TGM6: variants seen among roughly 807,000 people sequenced by gnomAD.
TGM6 encodes protein-glutamine gamma-glutamyltransferase 6.
Under a neutral mutation model 77.5 loss-of-function variants are expected in TGM6, and 74 were observed. That is an observed-to-expected ratio of 0.96 (90% confidence interval 0.79 to 1.16). TGM6 has a LOEUF of 1.16. Ranked by LOEUF, TGM6 falls within the 50% of genes most tolerant of loss-of-function variation. The probability of loss-of-function intolerance (pLI) is 0.00; values close to 1 mark genes in which losing one functional copy is unlikely to be tolerated. For synonymous variants in TGM6, 383 were observed against 378.9 expected, an observed-to-expected ratio of 1.01 and a Z score of -0.12; for missense variants, 968 against 940.2, an observed-to-expected ratio of 1.03 and a Z score of -0.39.
chr20:2,381,952 C>T (rs1343654735), intron 1 of TGM6, among the ~76,000 whole-genome samples: 16 of 147,670 alleles, frequency 1.1e-4, no homozygotes, highest in Admixed American at 6.8e-5. Context: ...GTGTCCCCCA[C>T]GACCTCAATA....
At chr20:2,416,316 A>G (rs1261306265) in intron 9 of TGM6, among the ~76,000 whole-genome samples, 1 of 152,202 alleles carries the variant, frequency 6.6e-6, no homozygotes, top group African/African-American at 2.4e-5. Context: ...GGACATATAG[A>G]TCAAAGAAAT....
rs1451119543 is a variant in TGM6 at position 2,383,326 on chromosome 20, A to C, written c.7+2351A>C. Among the ~76,000 whole-genome samples, 4 of 152,110 alleles carry C rather than the reference A, an allele frequency of 2.6e-5. No homozygotes were observed. The East Asian group carries it at 5.8e-4, about 22-fold the overall frequency. On this transcript the variant is annotated intron_variant, in intron 1 of 12. Transcript: ENST00000202625. ...TTGTATCATTCAGCTCTCTGGTATC[A>C]CCCAAGGGCAGGAGGAGGAAGATGG...
At chr20:2,413,003 T>C (rs561611871) in intron 9 of TGM6, among the ~76,000 whole-genome samples, 1 of 152,180 alleles carries the variant, frequency 6.6e-6, no homozygotes, top group Non-Finnish European at 1.5e-5. Context: ...CAGCTGAGTT[T>C]TTTTCCCCCA....
At chr20:2,429,827 G>A (rs2084912411) in intron 10 of TGM6, among the ~76,000 whole-genome samples, 1 of 152,144 alleles carries the variant, frequency 6.6e-6, no homozygotes, top group South Asian at 2.1e-4. Context: ...AGAACACCTA[G>A]GAAGGATGTT....
chr20:2,407,922 G>C (rs2084762609), intron 9 of TGM6, among the ~76,000 whole-genome samples: 1 of 152,212 alleles, frequency 6.6e-6, no homozygotes, highest in African/African-American at 2.4e-5. Flanking sequence ...TGACAGCACA[G>C]AATAATTCGG....
At chr20:2,382,547 C>T (rs2084563085) in intron 1 of TGM6, among the ~76,000 whole-genome samples, 1 of 152,224 alleles carries the variant, frequency 6.6e-6, no homozygotes, top group Non-Finnish European at 1.5e-5. Context: ...CTCTCTGAAG[C>T]TCTGTTTCTC....
At chr20:2,411,238 T>C (rs970700498) in intron 9 of TGM6, among the ~76,000 whole-genome samples, 5 of 152,122 alleles carry the variant, frequency 3.3e-5, no homozygotes, top group South Asian at 2.1e-4. Flanking sequence ...TTCATGAATA[T>C]GGAATGAATT....
At chr20:2,425,539 T>C (rs1006514571) in intron 10 of TGM6, among the ~76,000 whole-genome samples, 1 of 152,188 alleles carries the variant, frequency 6.6e-6, no homozygotes, top group African/African-American at 2.4e-5. Context: ...CTTTCACTAA[T>C]ACCACACTGT....
intron 1 of TGM6, among the ~76,000 whole-genome samples, chr20:2,387,418 T>C (rs180798570): frequency 1.3e-5 from 2 of 152,312 alleles, no homozygotes; most frequent in Admixed American, 6.5e-5. Flanking sequence ...ACACTGGTCC[T>C]GCACAGTGCT....
At position 2,399,672 on chromosome 20, in the gene TGM6, C is replaced by G. The variant is rs2084692297; in HGVS notation, c.784C>G (p.Leu262Val). 2 of 1,613,928 alleles carry G rather than the reference C, an allele frequency of 1.2e-6. No homozygotes were observed. The highest frequency in any genetic ancestry group is 1.7e-6 in the Non-Finnish European group (2 of 1,179,958). The change falls in exon 6 of 13, where the codon CTC becomes GTC. Residue 262 changes from leucine to valine, a missense_variant. Coordinates refer to ENST00000202625, the MANE Select transcript of TGM6 (RefSeq NM_198994.3). The part of the protein sequence containing the change: ...RGSVAILQKW[L>V]KGRYKPVKYG... ...CAGCGTGGCCATTCTGCAGAAGTGGCTCAAGGGCAGGTACAAGCCAGTCAA... is the reference window on the plus strand; with the variant it reads ...CAGCGTGGCCATTCTGCAGAAGTGGGTCAAGGGCAGGTACAAGCCAGTCAA...
At chr20:2,396,402 C>A in intron 3 of TGM6, 104 bp from the exon 4 acceptor site, 1 of 1,166,880 alleles carries the variant, frequency 8.6e-7, no homozygotes, top group Non-Finnish European at 1.3e-6. Context: ...CTGCCCCAGT[C>A]AGCCTCCGGG....
At chr20:2,385,442 T>G (rs1049608207) in intron 1 of TGM6, among the ~76,000 whole-genome samples, 1 of 152,100 alleles carries the variant, frequency 6.6e-6, no homozygotes, top group Non-Finnish European at 1.5e-5. Flanking sequence ...AAGCACTTGC[T>G]TCAGCAAACC....
chr20:2,400,734 G>A (rs1027789261), intron 7 of TGM6, among the ~76,000 whole-genome samples: 2 of 151,950 alleles, frequency 1.3e-5, no homozygotes, highest in African/African-American at 2.4e-5. Flanking sequence ...TCCTGGGGTG[G>A]GGTGGGGTGG....
At chr20:2,391,742 C>A (rs2084630670) in intron 1 of TGM6, among the ~76,000 whole-genome samples, 1 of 152,222 alleles carries the variant, frequency 6.6e-6, no homozygotes, top group Non-Finnish European at 1.5e-5. Context: ...AGGTGCAAAT[C>A]TGATTACATC....
chr20:2,416,441 G>A (rs530997119), intron 9 of TGM6, among the ~76,000 whole-genome samples: 1 of 152,284 alleles, frequency 6.6e-6, no homozygotes, highest in Admixed American at 6.5e-5. Flanking sequence ...AAATGGTGTT[G>A]GGACCGCTGT....
intron 7 of TGM6, 37 bp from the exon 8 acceptor site, chr20:2,403,360 A>C: frequency 1.2e-6 from 2 of 1,611,654 alleles, no homozygotes; most frequent in Non-Finnish European, 1.7e-6. Flanking sequence ...CTATGCCCTC[A>C]CTCTAGGCAG....
chr20:2,396,724 AG>A, intron 4 of TGM6, 100 bp downstream of exon 4: 3 of 1,094,926 alleles, frequency 2.7e-6, no homozygotes, highest in South Asian at 1.3e-5. Context: ...AGGAGGGACA[AG>A]GGGGGCTCAC....
chr20:2,399,533 T>G, intron 5 of TGM6, 28 bp from the exon 6 acceptor site: 2 of 1,612,146 alleles, frequency 1.2e-6, no homozygotes, highest in Non-Finnish European at 1.7e-6. Context: ...CCCTGCCTGG[T>G]TGTGGACCCG....
chr20:2,396,214 A>T (rs1405197815), intron 3 of TGM6, among the ~76,000 whole-genome samples: 1 of 152,076 alleles, frequency 6.6e-6, no homozygotes, highest in Non-Finnish European at 1.5e-5. Flanking sequence ...AATAAGAAAA[A>T]AAGAAGGAAA....
Sources: allele counts gnomAD v4.1 joint callset (sites outside exome capture counted in the v4.1 genomes callset), GRCh38; gene constraint gnomAD v4.1.1; transcripts MANE v1.5; gene names NCBI Gene and HGNC (gene_info 2026-07-23, HGNC 2026-07-21).